The following RSL24D1 variants were observed in gnomAD, a reference collection of about 807,000 sequenced individuals.
The protein encoded by RSL24D1 is probable ribosome biogenesis protein RLP24.
Under a neutral mutation model 26.2 loss-of-function variants are expected in RSL24D1, and 6 were observed. The ratio of observed to expected loss-of-function variants is 0.23; its 90% CI spans 0.13 to 0.45. The LOEUF (loss-of-function observed/expected upper bound fraction) is 0.45, where lower values mean the gene tolerates loss of function less well. Among genes scored for constraint, RSL24D1 ranks in the 20% least tolerant of loss-of-function variants. The probability of loss-of-function intolerance (pLI) is 0.99; values close to 1 mark genes in which losing one functional copy is unlikely to be tolerated. For synonymous variants in RSL24D1, 61 were observed against 59.1 expected (o/e 1.03, Z -0.15); for missense variants, 176 against 202.6 (o/e 0.87, Z 0.80).
chr15:55,183,438 T>A (rs754430644), intron 4 of RSL24D1, 38 bp from the exon 5 acceptor site: 8 of 1,465,710 alleles, frequency 5.5e-6, no homozygotes, highest in Non-Finnish European at 7.6e-6. Flanking sequence ...TTTCAGTTAC[T>A]AACACTGCTT....
intron 4 of RSL24D1, among the ~76,000 whole-genome samples, chr15:55,184,248 T>C (rs534072728): frequency 6.6e-6 from 1 of 152,050 alleles, no homozygotes; most frequent in East Asian, 1.9e-4. Context: ...AAAACATGAA[T>C]GCACTCAAAG....
intron 3 of RSL24D1, among the ~76,000 whole-genome samples, chr15:55,186,997 C>A (rs1432791150): frequency 1.3e-5 from 2 of 152,280 alleles, no homozygotes; most frequent in South Asian, 4.1e-4. Flanking sequence ...ACTCGTGCAA[C>A]TTTTCTGTAA....
chr15:55,190,583 T>C (rs999293033), intron 3 of RSL24D1, among the ~76,000 whole-genome samples: 3 of 152,214 alleles, frequency 2.0e-5, no homozygotes, highest in Admixed American at 6.5e-5. Flanking sequence ...GTATACAGAA[T>C]ACAAGTTTAT....
intron 4 of RSL24D1, among the ~76,000 whole-genome samples, chr15:55,184,826 A>T (rs1595651029): frequency 6.6e-6 from 1 of 152,296 alleles, no homozygotes; most frequent in Non-Finnish European, 1.5e-5. Flanking sequence ...AAAGGTGCCT[A>T]GCCAAAATCT....
chr15:55,183,110 T>A (rs1349857895), intron 5 of RSL24D1, among the ~76,000 whole-genome samples: 1 of 152,136 alleles, frequency 6.6e-6, no homozygotes, highest in Admixed American at 6.6e-5. Context: ...ATATGGAACA[T>A]AGAATTCAAT....
rs1894189823 is a variant in RSL24D1 at position 55,183,302 on chromosome 15, A to G, written c.418+13T>C. 2 of 1,606,446 alleles carry G rather than the reference A, an allele frequency of 1.2e-6. No individual in the cohort carries two copies. The highest frequency in any genetic ancestry group is 1.3e-5 in the African/African-American group (1 of 74,792). ...CAGACCACAAAAATCTAGATGTGCA[A>G]TGTAGTACTCACCTGCAAGAGGGGC... is the stretch of plus-strand genomic sequence containing the variant. On this transcript the variant is annotated intron_variant, in intron 5 of 5. Coordinates refer to ENST00000260443, the MANE Select transcript of RSL24D1 (RefSeq NM_016304.3).
chr15:55,182,325 T>A (rs1894177219), intron 5 of RSL24D1, 100 bp from the exon 6 acceptor site: 4 of 738,714 alleles, frequency 5.4e-6, no homozygotes. Flanking sequence ...TTTCAAGTAA[T>A]ATTAGCCACT....
chr15:55,195,462 T>G (rs916239704), intron 1 of RSL24D1: 1 of 152,228 alleles, frequency 6.6e-6, no homozygotes, highest in African/African-American at 2.4e-5. Context: ...CACTGGTGAC[T>G]CCCAACCAAC....
At chr15:55,190,920 G>C in intron 3 of RSL24D1, 55 bp downstream of exon 3, 1 of 1,136,360 alleles carries the variant, frequency 8.8e-7, no homozygotes, top group South Asian at 1.3e-5. Flanking sequence ...TAAAGTTATA[G>C]TATTATCCCA....
chr15:55,190,708 T>TA (rs1811338368), intron 3 of RSL24D1, among the ~76,000 whole-genome samples: 1 of 152,198 alleles, frequency 6.6e-6, no homozygotes, highest in Admixed American at 6.5e-5. Context: ...CAGCCATTTT[T>TA]ATGTTTTTAC....
chr15:55,183,422 CCAAAATTT>C, intron 4 of RSL24D1, 22 bp from the exon 5 acceptor site: 1 of 1,582,566 alleles, frequency 6.3e-7, no homozygotes, highest in Non-Finnish European at 8.7e-7. Context: ...CATATTAAAG[CCAAAATTT>C]CAGTTACTAA....
intron 3 of RSL24D1, among the ~76,000 whole-genome samples, chr15:55,186,929 T>C (rs1446133668): frequency 6.6e-6 from 1 of 152,076 alleles, no homozygotes; most frequent in Non-Finnish European, 1.5e-5. Context: ...AGAGAAAAAA[T>C]TAATTTAACA....
chr15:55,195,108 A>G (rs1263197128), intron 1 of RSL24D1, among the ~76,000 whole-genome samples: 1 of 152,080 alleles, frequency 6.6e-6, no homozygotes, highest in Non-Finnish European at 1.5e-5. Flanking sequence ...GAAAGTAGAA[A>G]GAAGGCAAAG....
At chr15:55,185,875 T>G (rs774211728) in intron 3 of RSL24D1, among the ~76,000 whole-genome samples, 5 of 152,158 alleles carry the variant, frequency 3.3e-5, no homozygotes, top group Admixed American at 2.0e-4. Flanking sequence ...TCAATACTAC[T>G]AAGTTCTCAA....
intron 1 of RSL24D1, 178 bp downstream of exon 1, chr15:55,196,632 G>A (rs1287938459): frequency 1.4e-5 from 9 of 626,666 alleles, no homozygotes; most frequent in Non-Finnish European, 2.5e-5. Context: ...AGACGGGCAA[G>A]GAGAAACCCC....
rs189699380 is a variant in RSL24D1, at chr15:55,185,050, T to G, written c.332+312A>C. Among the ~76,000 whole-genome samples the G allele has an allele frequency of 2.1e-4, 32 of 152,324 alleles. 1 individual carries two copies. The highest frequency in any genetic ancestry group is 2.1e-3 in the Admixed American group (32 of 15,302). On this transcript the variant is annotated intron_variant, in intron 4 of 5. Transcript: ENST00000260443. Reference sequence around the variant, plus strand: ...AAGGTTTATAGATTATATAATAGTATTACATCAATGTTAATTTCCTGACTG... The same window carrying G: ...AAGGTTTATAGATTATATAATAGTAGTACATCAATGTTAATTTCCTGACTG...
At chr15:55,196,038 G>A (rs1894351834) in intron 1 of RSL24D1, among the ~76,000 whole-genome samples, 1 of 152,188 alleles carries the variant, frequency 6.6e-6, no homozygotes, top group Non-Finnish European at 1.5e-5. Flanking sequence ...GAGAAAGAGA[G>A]GAACGGGATT....
intron 1 of RSL24D1, chr15:55,196,565 G>T (rs1376012110): frequency 8.5e-6 from 5 of 589,660 alleles, no homozygotes; most frequent in Admixed American, 2.9e-5. Context: ...GATCGCTCCT[G>T]AAGTTCCTCG....
rs748090874 is a variant in RSL24D1, at chr15:55,185,347, T to A, written c.332+15A>T. On this transcript the variant is annotated intron_variant, in intron 4 of 5. Transcript: ENST00000260443. ...TAATTATTTTCCAAAAGTTACTCCATACAAATATTCATACCTGTTCATTAT... is the reference window on the plus strand; with the variant it reads ...TAATTATTTTCCAAAAGTTACTCCAAACAAATATTCATACCTGTTCATTAT... 6.3e-7 allele frequency: 1 copy of A among 1,576,372 alleles called. No homozygotes were observed. Among genetic ancestry groups the A allele is most frequent in the Non-Finnish European group, 8.6e-7 (1 of 1,163,832 alleles).
Sources: allele counts gnomAD v4.1 joint callset (sites outside exome capture counted in the v4.1 genomes callset), GRCh38; gene constraint gnomAD v4.1.1; transcripts MANE v1.5; gene names NCBI Gene and HGNC (gene_info 2026-07-23, HGNC 2026-07-21).